Variants in PDE8B observed in about 807,000 individuals in gnomAD.
PDE8B encodes the protein high affinity cAMP-specific and IBMX-insensitive 3',5'-cyclic phosphodiesterase 8B.
A neutral mutation model predicts 101.3 loss-of-function variants in PDE8B; 26 were observed. The ratio of observed to expected loss-of-function variants is 0.26; its 90% CI spans 0.19 to 0.36. The LOEUF is 0.36. Among genes scored for constraint, PDE8B ranks in the 10% least tolerant of loss-of-function variants. The probability of loss-of-function intolerance (pLI) is 1.00; values close to 1 mark genes in which losing one functional copy is unlikely to be tolerated. For missense variants in PDE8B, 810 were observed against 1,163.1 expected (o/e 0.70, Z 4.42); for synonymous variants, 424 against 429.3 (o/e 0.99, Z 0.15).
At chr5:77,180,967 C>CGTGTGTGTGTGT in the PDE8B span, among the ~76,000 whole-genome samples, 815 of 147,632 alleles carry the variant, frequency 5.5e-3, 2 homozygotes, top group Middle Eastern at 0.035. Flanking sequence ...GGTGTGTACA[C>CGTGTGTGTGTGT]GTGTGTGTGT....
the PDE8B span, among the ~76,000 whole-genome samples, chr5:77,160,338 GT>G: frequency 6.6e-6 from 1 of 152,124 alleles, no homozygotes; most frequent in African/African-American, 2.4e-5. Flanking sequence ...AAATCTGCAC[GT>G]ACTCGAGTCC....
intron 1 of PDE8B, among the ~76,000 whole-genome samples, chr5:77,281,333 T>C (rs1288518817): frequency 6.6e-6 from 1 of 152,248 alleles, no homozygotes; most frequent in Non-Finnish European, 1.5e-5. Flanking sequence ...TAGTTTCCTC[T>C]TGTTGCTGCA....
intron 14 of PDE8B, among the ~76,000 whole-genome samples, chr5:77,410,159 T>G (rs1296587051): frequency 6.6e-6 from 1 of 152,246 alleles, no homozygotes; most frequent in African/African-American, 2.4e-5. Flanking sequence ...GCTGGTGGTG[T>G]TAAACAGCAA....
chr5:77,180,755 C>G, the PDE8B span, among the ~76,000 whole-genome samples: 41,456 of 152,186 alleles, frequency 0.27, 7,693 homozygotes, highest in East Asian at 0.81. Flanking sequence ...AGACAGCCGC[C>G]GTTCGCGTCC....
the PDE8B span, among the ~76,000 whole-genome samples, chr5:77,152,429 C>T: frequency 6.6e-6 from 1 of 152,198 alleles, no homozygotes; most frequent in Non-Finnish European, 1.5e-5. Context: ...TTACGCTGTG[C>T]ACAATGGACT....
chr5:77,425,743 C>A (rs1797948874), intron 20 of PDE8B, 24 bp from the exon 21 acceptor site: 11 of 1,612,460 alleles, frequency 6.8e-6, no homozygotes, highest in African/African-American at 1.3e-5. Context: ...TCCTCCAGCC[C>A]TATGTGGTGG....
the PDE8B span, among the ~76,000 whole-genome samples, chr5:77,101,135 G>GC: frequency 1.5e-5 from 2 of 133,302 alleles, no homozygotes; most frequent in East Asian, 4.3e-4. Flanking sequence ...ACGCCTGCCT[G>GC]TTTTTTTTTT....
At chr5:77,221,468 G>A (rs538394723) in intron 1 of PDE8B, among the ~76,000 whole-genome samples, 1 of 152,288 alleles carries the variant, frequency 6.6e-6, no homozygotes, top group Admixed American at 6.5e-5. Flanking sequence ...TTTGTAGGGT[G>A]GAGGTTGTCT....
intron 1 of PDE8B, among the ~76,000 whole-genome samples, chr5:77,300,222 G>A (rs1168965283): frequency 3.9e-5 from 6 of 152,178 alleles, no homozygotes; most frequent in African/African-American, 1.4e-4. Context: ...TCTCTTAGAC[G>A]AGAATACGTT....
intron 17 of PDE8B, among the ~76,000 whole-genome samples, chr5:77,417,849 A>T (rs529987037): frequency 6.6e-6 from 1 of 152,302 alleles, no homozygotes; most frequent in African/African-American, 2.4e-5. Context: ...ATTTGCTACC[A>T]GCACACTCAA....
intron 1 of PDE8B, among the ~76,000 whole-genome samples, chr5:77,301,503 G>C (rs1432045008): frequency 1.3e-5 from 2 of 152,210 alleles, no homozygotes; most frequent in Non-Finnish European, 2.9e-5. Context: ...GATCAGAAAT[G>C]AGTGCTTGGG....
At chr5:77,349,758 A>C (rs950010539) in intron 8 of PDE8B, among the ~76,000 whole-genome samples, 199 bp downstream of exon 8, 1 of 152,194 alleles carries the variant, frequency 6.6e-6, no homozygotes, top group African/African-American at 2.4e-5. Context: ...ATTATGGTAC[A>C]GAATCTGGTG....
intron 10 of PDE8B, among the ~76,000 whole-genome samples, chr5:77,393,015 A>G (rs898370027): frequency 1.3e-5 from 2 of 152,252 alleles, no homozygotes; most frequent in Non-Finnish European, 2.9e-5. Flanking sequence ...GAAGAACATT[A>G]AAACTTGGTT....
intron 10 of PDE8B, among the ~76,000 whole-genome samples, chr5:77,395,902 G>A (rs749465358): frequency 2.0e-5 from 3 of 152,146 alleles, no homozygotes; most frequent in Non-Finnish European, 2.9e-5. Context: ...CATTGGGGCC[G>A]ACCCCATTCT....
At chr5:77,299,207 G>T (rs1769302512) in intron 1 of PDE8B, among the ~76,000 whole-genome samples, 1 of 152,118 alleles carries the variant, frequency 6.6e-6, no homozygotes, top group Non-Finnish European at 1.5e-5. Context: ...GTTGCTTACA[G>T]AATTACAGCA....
chr5:77,424,462 G>GA (rs1346481178), intron 20 of PDE8B, among the ~76,000 whole-genome samples: 1 of 152,184 alleles, frequency 6.6e-6, no homozygotes, highest in Non-Finnish European at 1.5e-5. Context: ...TCAGCTCAAT[G>GA]AATGATGATG....
chr5:77,136,781 C>T, the PDE8B span, among the ~76,000 whole-genome samples: 2 of 152,302 alleles, frequency 1.3e-5, no homozygotes, highest in African/African-American at 4.8e-5. Flanking sequence ...AGAACATTTG[C>T]ATCATTCAAT....
At chr5:77,104,217 A>T in the PDE8B span, among the ~76,000 whole-genome samples, 4 of 152,166 alleles carry the variant, frequency 2.6e-5, no homozygotes, top group African/African-American at 9.7e-5. Flanking sequence ...TCCACACAGT[A>T]AGGAACCACG....
chr5:77,367,623 C>T (rs1337834288), intron 10 of PDE8B, among the ~76,000 whole-genome samples: 3 of 150,606 alleles, frequency 2.0e-5, no homozygotes, highest in South Asian at 2.1e-4. Flanking sequence ...CTCCGACTCC[C>T]GGGTTCAAGC....
Sources: gnomAD v4.1 joint callset for allele counts (sites outside exome capture counted in the v4.1 genomes callset) on GRCh38, gnomAD v4.1.1 for gene constraint, MANE v1.5 for transcripts, NCBI Gene and HGNC (gene_info 2026-07-23, HGNC 2026-07-21) for gene names.